MACROD2: variants seen among roughly 807,000 people sequenced by gnomAD.
MACROD2 encodes mono-ADP ribosylhydrolase 2.
Under a neutral mutation model 70.4 loss-of-function variants are expected in MACROD2, and 36 were observed. The ratio of observed to expected loss-of-function variants is 0.51; its 90% CI spans 0.39 to 0.68. MACROD2 has a LOEUF of 0.68. MACROD2 is among the 30% of genes least tolerant of loss of function. MACROD2 has a pLI of 0.00. For synonymous variants in MACROD2, 172 were observed against 178.8 expected (o/e 0.96, Z 0.30); for missense variants, 496 against 538.4 (o/e 0.92, Z 0.78).
intron 3 of MACROD2, among the ~76,000 whole-genome samples, chr20:14,426,299 C>T (rs1330209402): frequency 6.6e-6 from 1 of 151,542 alleles, no homozygotes; most frequent in East Asian, 1.9e-4. Context: ...TTTTTGTTTC[C>T]AAGACTTATT....
chr20:16,037,906 T>A (rs1046760850), intron 15 of MACROD2, among the ~76,000 whole-genome samples: 16 of 151,986 alleles, frequency 1.1e-4, no homozygotes, highest in Non-Finnish European at 4.4e-5. Flanking sequence ...GATGTGAAGG[T>A]CTTTGTCCAC....
At chr20:15,964,807 G>A (rs904007320) in intron 12 of MACROD2, among the ~76,000 whole-genome samples, 11 of 152,108 alleles carry the variant, frequency 7.2e-5, no homozygotes, top group Non-Finnish European at 1.2e-4. Flanking sequence ...AGTAACTTTC[G>A]TGGAAACCAT....
At chr20:14,713,331 A>C (rs1245613978) in intron 5 of MACROD2, among the ~76,000 whole-genome samples, 1 of 152,200 alleles carries the variant, frequency 6.6e-6, no homozygotes, top group Non-Finnish European at 1.5e-5. Context: ...AGAATCTTAG[A>C]GAAATGAAGA....
chr20:15,765,535 AC>A (rs775218660), intron 8 of MACROD2, among the ~76,000 whole-genome samples: 7 of 152,258 alleles, frequency 4.6e-5, no homozygotes, highest in Non-Finnish European at 1.0e-4. Context: ...CTGAAATGAT[AC>A]ATGCAAATCT....
At chr20:14,479,670 G>A (rs1210440790) in intron 3 of MACROD2, among the ~76,000 whole-genome samples, 8 of 152,098 alleles carry the variant, frequency 5.3e-5, no homozygotes, top group Non-Finnish European at 1.2e-4. Context: ...GTGGGTGGGA[G>A]GAGGAACCAG....
chr20:14,103,804 T>C (rs2054330832), intron 3 of MACROD2, among the ~76,000 whole-genome samples: 1 of 152,294 alleles, frequency 6.6e-6, no homozygotes, highest in South Asian at 2.1e-4. Context: ...TACATGAATT[T>C]TAATTTATTT....
intron 3 of MACROD2, among the ~76,000 whole-genome samples, chr20:14,246,721 T>C (rs973466294): frequency 2.0e-5 from 3 of 152,196 alleles, no homozygotes; most frequent in Admixed American, 2.0e-4. Flanking sequence ...AATCAGAATT[T>C]TTGTAGCATT....
intron 3 of MACROD2, among the ~76,000 whole-genome samples, chr20:14,197,354 G>A (rs1250994102): frequency 5.3e-5 from 8 of 152,148 alleles, no homozygotes; most frequent in Non-Finnish European, 1.5e-5. Context: ...CTGACTAACC[G>A]AAAATATTTT....
chr20:14,501,800 G>T (rs1007223499), intron 4 of MACROD2, among the ~76,000 whole-genome samples: 1 of 152,068 alleles, frequency 6.6e-6, no homozygotes, highest in Non-Finnish European at 1.5e-5. Context: ...AAAATTCTAG[G>T]CTCTTATAAG....
At chr20:15,831,157 C>T (rs1007983500) in intron 8 of MACROD2, among the ~76,000 whole-genome samples, 45 of 152,166 alleles carry the variant, frequency 3.0e-4, no homozygotes, top group Admixed American at 2.9e-3. Flanking sequence ...GATCCTAGAG[C>T]TCCTTTATGG....
intron 13 of MACROD2, among the ~76,000 whole-genome samples, chr20:15,981,131 C>T (rs1388717038): frequency 6.6e-6 from 1 of 152,176 alleles, no homozygotes; most frequent in African/African-American, 2.4e-5. Context: ...GTGCCAATAA[C>T]ACAACTACCT....
At chr20:15,887,356 T>C (rs536570333) in intron 10 of MACROD2, among the ~76,000 whole-genome samples, 7 of 152,214 alleles carry the variant, frequency 4.6e-5, no homozygotes, top group African/African-American at 1.4e-4. Flanking sequence ...ATGCAATGGA[T>C]TCAGAGGGCA....
intron 6 of MACROD2, among the ~76,000 whole-genome samples, chr20:15,305,270 C>A (rs1341357832): frequency 6.6e-6 from 1 of 151,502 alleles, no homozygotes; most frequent in Non-Finnish European, 1.5e-5. Context: ...AAGATATTTT[C>A]TCCATGAAAC....
chr20:16,035,198 A>AAG lies in MACROD2; in HGVS notation c.1154-6002_1154-6001insGA, dbSNP rs1568726288. Among the ~76,000 whole-genome samples, 10 of 113,266 alleles carry AAG rather than the reference A, an allele frequency of 8.8e-5. No individual in the cohort carries two copies. The East Asian group carries it at 1.7e-3, about 19-fold the overall frequency. 74.3% of individuals were successfully genotyped at this position (113,266 alleles called of 152,430 possible). A position where few individuals can be genotyped will look rare whatever the true frequency, so the allele number is the denominator to read the frequency against. On this transcript the variant is annotated intron_variant, in intron 15 of 17. Transcript: ENST00000684519. ...ATATTATATATTATATATAAAATAT[A>AAG]ATATAAAATATTATATATTATATAT...
chr20:15,697,735 C>T (rs2050396167), intron 8 of MACROD2, among the ~76,000 whole-genome samples: 1 of 152,118 alleles, frequency 6.6e-6, no homozygotes, highest in South Asian at 2.1e-4. Flanking sequence ...TTTGGGAGCT[C>T]CAGTGTCAGG....
chr20:15,774,463 G>C (rs947615974), intron 8 of MACROD2, among the ~76,000 whole-genome samples: 1 of 152,112 alleles, frequency 6.6e-6, no homozygotes, highest in Non-Finnish European at 1.5e-5. Flanking sequence ...TCCCTCGGAG[G>C]ATCCACTGTT....
At chr20:14,401,387 C>T (rs1429098232) in intron 3 of MACROD2, among the ~76,000 whole-genome samples, 1 of 152,144 alleles carries the variant, frequency 6.6e-6, no homozygotes, top group Non-Finnish European at 1.5e-5. Flanking sequence ...CTGTCTTCCA[C>T]AATGACTGAA....
At chr20:15,358,231 A>G (rs1331841107) in intron 6 of MACROD2, among the ~76,000 whole-genome samples, 1 of 152,228 alleles carries the variant, frequency 6.6e-6, no homozygotes, top group Non-Finnish European at 1.5e-5. Flanking sequence ...ACCAGTTGGT[A>G]GGAGAGATAA....
chr20:15,496,723 C>G (rs1600495376), intron 7 of MACROD2, among the ~76,000 whole-genome samples: 1 of 152,158 alleles, frequency 6.6e-6, no homozygotes, highest in South Asian at 2.1e-4. Context: ...AGAAATAAAT[C>G]TAGAAAGGCC....
Sources: gnomAD v4.1 joint callset for allele counts (sites outside exome capture counted in the v4.1 genomes callset) on GRCh38, gnomAD v4.1.1 for gene constraint, MANE v1.5 for transcripts, NCBI Gene and HGNC (gene_info 2026-07-23, HGNC 2026-07-21) for gene names.